FBXL13: variants seen among roughly 807,000 people sequenced by gnomAD.
The protein encoded by FBXL13 is F-box and leucine rich repeat protein 13.
Under a neutral mutation model 83.6 loss-of-function variants are expected in FBXL13, and 67 were observed. That is an observed-to-expected ratio of 0.80 (90% confidence interval 0.66 to 0.98). FBXL13 has a LOEUF of 0.98. Ranked by LOEUF, FBXL13 falls within the 50% of genes least tolerant of loss-of-function variation. The pLI is 0.00. For missense variants in FBXL13, 822 were observed against 866.5 expected, an observed-to-expected ratio of 0.95 and a Z score of 0.64; for synonymous variants, 272 against 299.5, an observed-to-expected ratio of 0.91 and a Z score of 0.95.
chr7:102,980,226 T>C (rs1407196800), intron 6 of FBXL13, among the ~76,000 whole-genome samples: 2 of 152,220 alleles, frequency 1.3e-5, no homozygotes, highest in East Asian at 1.9e-4. Flanking sequence ...ACTACAAAGA[T>C]ATAGTAATCA....
intron 6 of FBXL13, among the ~76,000 whole-genome samples, chr7:102,979,242 A>G (rs1827890091): frequency 1.3e-5 from 2 of 152,154 alleles, no homozygotes; most frequent in Non-Finnish European, 1.5e-5. Context: ...GAAGATCCCT[A>G]ATTTACATTT....
chr7:102,883,663 C>T lies in FBXL13; in HGVS notation c.1130G>A (p.Arg377His), dbSNP rs114385222. Residue 377 changes from arginine to histidine, a missense_variant, in exon 13 of 20, where the codon CGT becomes CAT. Coordinates refer to ENST00000313221, the Ensembl canonical transcript of FBXL13. ...ACCAGTGAAAACCAGCGATGTAATA[C>T]GAGAGCATTTTTCAACTAAAGCCTT... 1.9e-4 allele frequency: 310 copies of T among 1,607,902 alleles called. 1 individual carries two copies. In the East Asian group the frequency reaches 5.7e-3, roughly 30 times the overall value.
chr7:103,041,376 C>A (rs1038257546), intron 2 of FBXL13, among the ~76,000 whole-genome samples: 15 of 152,128 alleles, frequency 9.9e-5, no homozygotes, highest in Non-Finnish European at 1.5e-5. Context: ...GATTCACAGC[C>A]AAATTCCACC....
chr7:103,074,300 T>C, exon 1 of FBXL13: 2 of 1,019,442 alleles, frequency 2.0e-6, no homozygotes, highest in Non-Finnish European at 2.4e-6. Flanking sequence ...TCCCTACTTC[T>C]GACAACATTC....
intron 6 of FBXL13, among the ~76,000 whole-genome samples, chr7:103,016,502 G>T (rs901788977): frequency 6.6e-6 from 1 of 151,966 alleles, no homozygotes; most frequent in African/African-American, 2.4e-5. Flanking sequence ...GCAGCCCACC[G>T]AGCGAGAGCC....
intron 17 of FBXL13, among the ~76,000 whole-genome samples, chr7:102,852,878 T>TA (rs1292061549): frequency 7.2e-5 from 11 of 152,114 alleles, no homozygotes; most frequent in African/African-American, 2.7e-4. Flanking sequence ...ACGAAAAAGA[T>TA]ACTTGCACAG....
At chr7:102,930,573 A>G (rs913214784) in intron 9 of FBXL13, among the ~76,000 whole-genome samples, 1 of 152,172 alleles carries the variant, frequency 6.6e-6, no homozygotes, top group Non-Finnish European at 1.5e-5. Context: ...TCAAATCTAC[A>G]ATGCATTGTT....
intron 11 of FBXL13, among the ~76,000 whole-genome samples, chr7:102,885,731 T>C (rs1318362946): frequency 6.6e-6 from 1 of 152,218 alleles, no homozygotes; most frequent in African/African-American, 2.4e-5. Context: ...TATTTTTTCT[T>C]CAAAAGGGTT....
chr7:103,024,827 A>C (rs1793673462), intron 6 of FBXL13, among the ~76,000 whole-genome samples: 1 of 133,318 alleles, frequency 7.5e-6, no homozygotes, highest in African/African-American at 2.9e-5. Flanking sequence ...ATATGTATAT[A>C]TATGTGTATA....
chr7:102,944,801 T>C, intron 8 of FBXL13: 1 of 523,684 alleles, frequency 1.9e-6, no homozygotes, highest in Non-Finnish European at 3.2e-6. Flanking sequence ...TGCCTGTCCA[T>C]TTGTGGAACA....
At chr7:103,026,567 C>G (rs796545227) in intron 5 of FBXL13, among the ~76,000 whole-genome samples, 24 of 152,302 alleles carry the variant, frequency 1.6e-4, no homozygotes, top group African/African-American at 5.8e-4. Flanking sequence ...TGCAAGACCA[C>G]CAGCTCAAAA....
chr7:102,947,265 G>A (rs1750510123), intron 8 of FBXL13, among the ~76,000 whole-genome samples: 1 of 152,208 alleles, frequency 6.6e-6, no homozygotes, highest in African/African-American at 2.4e-5. Context: ...GAGGCAAGAG[G>A]ATTCTGGAAT....
chr7:102,832,719 C>T, intron 18 of FBXL13, 121 bp downstream of exon 19: 2 of 1,217,806 alleles, frequency 1.6e-6, no homozygotes, highest in Non-Finnish European at 2.2e-6. Context: ...GAAAAAAATC[C>T]AATGAATACC....
chr7:103,049,799 G>A (rs1796625092), intron 2 of FBXL13, among the ~76,000 whole-genome samples: 1 of 152,124 alleles, frequency 6.6e-6, no homozygotes, highest in African/African-American at 2.4e-5. Context: ...GATATTTCTG[G>A]CTTTTAAACT....
intron 11 of FBXL13, among the ~76,000 whole-genome samples, chr7:102,894,476 C>A (rs1812006568): frequency 6.6e-6 from 1 of 151,978 alleles, no homozygotes; most frequent in Admixed American, 6.6e-5. Flanking sequence ...GTAATCCTGG[C>A]ACTTTGGGAG....
At chr7:102,916,015 ACT>A (rs950613213) in intron 10 of FBXL13, among the ~76,000 whole-genome samples, 1 of 150,050 alleles carries the variant, frequency 6.7e-6, no homozygotes. Context: ...ACGGAGTCTC[ACT>A]CTGTTACCCA....
chr7:102,876,441 G>A (rs1809275312), intron 16 of FBXL13, among the ~76,000 whole-genome samples: 2 of 152,098 alleles, frequency 1.3e-5, no homozygotes, highest in Admixed American at 1.3e-4. Flanking sequence ...GGGAAGAGGA[G>A]GTCATCTAGC....
At position 103,018,293 on chromosome 7, in the gene FBXL13, T is replaced by C. The variant is rs547752229; in HGVS notation, c.495+6770A>G. 2.2e-3 allele frequency among the ~76,000 whole-genome samples: 342 copies of C among 152,216 alleles called. 1 individual carries two copies. Among genetic ancestry groups the C allele is most frequent in the Middle Eastern group, 0.02 (6 of 294 alleles). On this transcript the variant is annotated intron_variant, in intron 6 of 19. Transcript: ENST00000313221. ...AAATACTGAGAGATTTTGTCACCAC[T>C]AGGCCTGCCTTACAAGAGCTCCTGA...
At chr7:103,043,045 G>C (rs1471281010) in intron 2 of FBXL13, among the ~76,000 whole-genome samples, 1 of 152,174 alleles carries the variant, frequency 6.6e-6, no homozygotes, top group Non-Finnish European at 1.5e-5. Context: ...CCTGTAGAAT[G>C]GGAGAGAATC....
Sources: allele counts gnomAD v4.1 joint callset (sites outside exome capture counted in the v4.1 genomes callset), GRCh38; gene constraint gnomAD v4.1.1; transcripts MANE v1.5; gene names NCBI Gene and HGNC (gene_info 2026-07-23, HGNC 2026-07-21).